SLC35F2: variants seen among roughly 807,000 people sequenced by gnomAD.
The protein encoded by SLC35F2 is queuine/queuosine transporter SLC35F2.
A neutral mutation model predicts 38.1 loss-of-function variants in SLC35F2; 25 were observed. The ratio of observed to expected loss-of-function variants is 0.66; its 90% CI spans 0.48 to 0.92. SLC35F2 has a LOEUF of 0.92. Ranked by LOEUF, SLC35F2 falls within the 40% of genes least tolerant of loss-of-function variation. SLC35F2 has a pLI of 0.00. For missense variants in SLC35F2, 409 were observed against 452.9 expected, an observed-to-expected ratio of 0.90 and a Z score of 0.88; for synonymous variants, 173 against 181.7, an observed-to-expected ratio of 0.95 and a Z score of 0.38.
At chr11:107,825,685 C>T (rs949724321) in intron 1 of SLC35F2, among the ~76,000 whole-genome samples, 4 of 151,986 alleles carry the variant, frequency 2.6e-5, no homozygotes, top group Admixed American at 6.6e-5. Flanking sequence ...TTCCGCATTC[C>T]TAAGAAGCTC....
intron 1 of SLC35F2, among the ~76,000 whole-genome samples, chr11:107,854,304 C>A (rs1860241907): frequency 6.7e-6 from 1 of 149,698 alleles, no homozygotes; most frequent in South Asian, 2.1e-4. Context: ...CGTGGCAGTG[C>A]ATGCCATAGT....
At chr11:107,812,862 G>A (rs1338418999) in intron 2 of SLC35F2, among the ~76,000 whole-genome samples, 1 of 152,120 alleles carries the variant, frequency 6.6e-6, no homozygotes, top group African/African-American at 2.4e-5. Flanking sequence ...AGAAAAGTCT[G>A]CAGGTGATCA....
At chr11:107,840,984 C>T (rs918217790) in intron 1 of SLC35F2, among the ~76,000 whole-genome samples, 1 of 152,014 alleles carries the variant, frequency 6.6e-6, no homozygotes, top group African/African-American at 2.4e-5. Context: ...CTTTCAACAC[C>T]CTACAGGCCC....
At chr11:107,821,467 G>T (rs1859671672) in intron 1 of SLC35F2, 2 of 985,350 alleles carry the variant, frequency 2.0e-6, no homozygotes, top group Non-Finnish European at 2.4e-6. Flanking sequence ...AAGCTGGCGG[G>T]GAGGGGGTAG....
rs141239299 is a variant in SLC35F2 at position 107,826,650 on chromosome 11, T to C, written c.111-10685A>G. Among the ~76,000 whole-genome samples, 548 of 152,328 alleles carry C rather than the reference T, an allele frequency of 3.6e-3. 1 individual carries two copies. Among genetic ancestry groups the C allele is most frequent in the Non-Finnish European group, 5.8e-3 (397 of 68,012 alleles). On this transcript the variant is annotated intron_variant, in intron 1 of 7. Transcript: ENST00000525815. Reference sequence around the variant, plus strand: ...TTTTATAGATTTGCCTTTGAGGCCATGTAAGTATGTTACATAACTTATAAT... The same window carrying C: ...TTTTATAGATTTGCCTTTGAGGCCACGTAAGTATGTTACATAACTTATAAT...
At chr11:107,849,408 G>A (rs562019061) in intron 1 of SLC35F2, among the ~76,000 whole-genome samples, 14 of 152,242 alleles carry the variant, frequency 9.2e-5, no homozygotes, top group African/African-American at 2.9e-4. Context: ...GGAGGCCGAG[G>A]TGGGCAGATC....
At chr11:107,798,278 A>G (rs1285311594) in intron 7 of SLC35F2, among the ~76,000 whole-genome samples, 1 of 152,232 alleles carries the variant, frequency 6.6e-6, no homozygotes, top group Non-Finnish European at 1.5e-5. Flanking sequence ...TGCTGGGATT[A>G]CAGGTGTGAG....
intron 1 of SLC35F2, among the ~76,000 whole-genome samples, chr11:107,844,365 C>G (rs991727991): frequency 1.3e-5 from 2 of 152,122 alleles, no homozygotes; most frequent in African/African-American, 4.8e-5. Context: ...CGGTGGCTCC[C>G]GCCTATAATC....
At chr11:107,845,988 T>TAAATAACA (rs1216983890) in intron 1 of SLC35F2, among the ~76,000 whole-genome samples, 1 of 151,086 alleles carries the variant, frequency 6.6e-6, no homozygotes, top group African/African-American at 2.4e-5. Flanking sequence ...AATAAATAAA[T>TAAATAACA]AACATAGGCT....
At chr11:107,811,845 A>T in intron 2 of SLC35F2, 51 bp from the exon 3 acceptor site, 1 of 1,512,100 alleles carries the variant, frequency 6.6e-7, no homozygotes, top group East Asian at 2.3e-5. Context: ...ATGATACCAT[A>T]CATGTTGATT....
intron 1 of SLC35F2, among the ~76,000 whole-genome samples, chr11:107,825,178 T>C (rs145455708): frequency 0.016 from 2,510 of 152,214 alleles, 32 homozygotes; most frequent in Middle Eastern, 0.048. Flanking sequence ...TTTTGTTTTA[T>C]TCTATTTTAA....
At chr11:107,817,302 A>G (rs147005157) in intron 1 of SLC35F2, among the ~76,000 whole-genome samples, 18 of 151,840 alleles carry the variant, frequency 1.2e-4, no homozygotes, top group Middle Eastern at 6.8e-3. Flanking sequence ...GAAAAGAAAA[A>G]AAAAGAAAAG....
At chr11:107,795,096 C>T (rs1342100284) in intron 7 of SLC35F2, among the ~76,000 whole-genome samples, 1 of 152,126 alleles carries the variant, frequency 6.6e-6, no homozygotes, top group African/African-American at 2.4e-5. Flanking sequence ...GGATTAATCT[C>T]ATTAAAATGA....
intron 2 of SLC35F2, 126 bp downstream of exon 2, chr11:107,815,656 TTTAATCAA>T: frequency 9.5e-7 from 1 of 1,054,680 alleles, no homozygotes; most frequent in South Asian, 1.7e-5. Context: ...TGCTACTTAC[TTTAATCAA>T]CAATTTCAGA....
At chr11:107,806,123 C>T (rs1360376939) in intron 4 of SLC35F2, among the ~76,000 whole-genome samples, 1 of 152,214 alleles carries the variant, frequency 6.6e-6, no homozygotes, top group East Asian at 1.9e-4. Context: ...TTCTCACTTT[C>T]TGGTGCAATT....
rs574424075 is a variant in SLC35F2 at position 107,837,673 on chromosome 11, G to A, written c.110+20985C>T. On this transcript the variant is annotated intron_variant, in intron 1 of 7. Transcript: ENST00000525815. ...GGCACCACTGCACTCCAGCCTGGGC[G>A]ACAGAGTGAGAGTTTGTCTCAAAAT... Among the ~76,000 whole-genome samples, 57 of 152,174 alleles carry A rather than the reference G, an allele frequency of 3.7e-4. 1 individual carries two copies. In the Middle Eastern group the frequency reaches 0.01, roughly 27 times the overall value.
intron 1 of SLC35F2, among the ~76,000 whole-genome samples, chr11:107,838,625 CTCTT>C (rs1859966157): frequency 1.0e-5 from 1 of 96,614 alleles, no homozygotes; most frequent in Non-Finnish European, 2.0e-5. Context: ...TTGCCCGGCC[CTCTT>C]TTTTTTTTTT....
chr11:107,807,826 C>T (rs1040966098), intron 3 of SLC35F2, among the ~76,000 whole-genome samples: 1 of 152,116 alleles, frequency 6.6e-6, no homozygotes, highest in African/African-American at 2.4e-5. Flanking sequence ...CTGTCTGCCT[C>T]GGCCTCCCAA....
At chr11:107,816,919 G>T (rs187988249) in intron 1 of SLC35F2, among the ~76,000 whole-genome samples, 6 of 152,232 alleles carry the variant, frequency 3.9e-5, no homozygotes, top group African/African-American at 1.4e-4. Context: ...GATCACTAAG[G>T]CGTATAACTA....
Sources: allele counts gnomAD v4.1 joint callset (sites outside exome capture counted in the v4.1 genomes callset), GRCh38; gene constraint gnomAD v4.1.1; transcripts MANE v1.5; gene names NCBI Gene and HGNC (gene_info 2026-07-23, HGNC 2026-07-21).